Variants in GPC6 observed in about 807,000 individuals in gnomAD.
GPC6 encodes the protein glypican 6, also known as glypican-6.
A neutral mutation model predicts 55.2 loss-of-function variants in GPC6; 14 were observed. The observed-to-expected ratio is 0.25, with a 90% CI of 0.17 to 0.40. GPC6 has a LOEUF of 0.40. Ranked by LOEUF, GPC6 falls within the 10% of genes least tolerant of loss-of-function variation. The probability of loss-of-function intolerance (pLI) is 1.00; values close to 1 mark genes in which losing one functional copy is unlikely to be tolerated. For synonymous variants in GPC6, 278 were observed against 259.6 expected (o/e 1.07, Z -0.68); for missense variants, 641 against 708.5 (o/e 0.90, Z 1.08).
At chr13:93,318,263 G>GT (rs753431033) in intron 1 of GPC6, among the ~76,000 whole-genome samples, 123 of 151,912 alleles carry the variant, frequency 8.1e-4, no homozygotes, top group Non-Finnish European at 1.7e-3. Context: ...ATATGTGACA[G>GT]TTTTTTTTGT....
chr13:94,345,339 C>T lies in GPC6; in HGVS notation c.1153-37075C>T, dbSNP rs1878233798. On this transcript the variant is annotated intron_variant, in intron 6 of 8. Transcript: ENST00000377047. ...CTCCCTACTTTAAGAAAACTGAGATCCAAAAATCTGATTTTGGGGGGGAAA... is the reference window on the plus strand; with the variant it reads ...CTCCCTACTTTAAGAAAACTGAGATTCAAAAATCTGATTTTGGGGGGGAAA... 3.3e-5 allele frequency among the ~76,000 whole-genome samples: 5 copies of T among 152,080 alleles called. No individual in the cohort carries two copies. In the South Asian group the frequency reaches 8.3e-4, roughly 25 times the overall value.
At chr13:93,587,048 G>A (rs1473088861) in intron 2 of GPC6, among the ~76,000 whole-genome samples, 2 of 152,252 alleles carry the variant, frequency 1.3e-5, no homozygotes, top group East Asian at 3.9e-4. Flanking sequence ...CCTAGTAGGA[G>A]GTTGCATGTA....
At chr13:94,054,682 G>A (rs1417090126) in intron 4 of GPC6, among the ~76,000 whole-genome samples, 6 of 152,096 alleles carry the variant, frequency 3.9e-5, no homozygotes, top group Admixed American at 1.3e-4. Context: ...AGAAGAGGTC[G>A]TCTAATCCAC....
chr13:93,437,655 C>T (rs1231223593), intron 1 of GPC6, among the ~76,000 whole-genome samples: 3 of 152,106 alleles, frequency 2.0e-5, no homozygotes, highest in Non-Finnish European at 2.9e-5. Context: ...TTGAAGCTAG[C>T]AGAGGTTCAT....
At chr13:94,082,264 C>T (rs560684129) in intron 4 of GPC6, among the ~76,000 whole-genome samples, 1 of 152,206 alleles carries the variant, frequency 6.6e-6, no homozygotes, top group South Asian at 2.1e-4. Flanking sequence ...TCCAAGCCCT[C>T]TGTGTCTACT....
intron 1 of GPC6, among the ~76,000 whole-genome samples, chr13:93,297,482 T>C (rs763239420): frequency 4.6e-5 from 7 of 152,006 alleles, no homozygotes; most frequent in Admixed American, 2.0e-4. Context: ...AAAAAAGAAA[T>C]TAGCTGAGTG....
Position 94,288,806 on chromosome 13 carries a change from T to TTATATATAACAAA in GPC6, c.1008+2336_1008+2337insCAAATATATATAA, listed in dbSNP as rs1566637614. 2.7e-3 allele frequency among the ~76,000 whole-genome samples: 198 copies of TTATATATAACAAA among 72,244 alleles called. 3 individuals carry two copies. Among genetic ancestry groups the TTATATATAACAAA allele is most frequent in the African/African-American group, 5.4e-3 (67 of 12,418 alleles). 47.4% of individuals were successfully genotyped at this position (72,244 alleles called of 152,430 possible). A position where few individuals can be genotyped will look rare whatever the true frequency, so the allele number is the denominator to read the frequency against. Reference sequence around the variant, plus strand: ...TATATATAATAAATATATATATTTGTTATATATAATAAATATATATATTTG... The same window carrying TTATATATAACAAA: ...TATATATAATAAATATATATATTTGTTATATATAACAAATATATATAATAAATATATATATTTG... On this transcript the variant is annotated intron_variant, in intron 5 of 8. Transcript: ENST00000377047.
intron 2 of GPC6, among the ~76,000 whole-genome samples, chr13:93,718,990 G>GTATT (rs1232751368): frequency 6.6e-6 from 1 of 151,936 alleles, no homozygotes; most frequent in Non-Finnish European, 1.5e-5. Context: ...CTGTAACCTT[G>GTATT]TATTATAGTT....
At chr13:93,871,997 A>C (rs1047261861) in intron 3 of GPC6, among the ~76,000 whole-genome samples, 4 of 152,104 alleles carry the variant, frequency 2.6e-5, no homozygotes, top group Middle Eastern at 3.4e-3. Context: ...TAAATAAAAC[A>C]AGTTTTCAGA....
chr13:93,783,354 T>C (rs991093257), intron 2 of GPC6, among the ~76,000 whole-genome samples: 1 of 150,066 alleles, frequency 6.7e-6, no homozygotes, highest in African/African-American at 2.5e-5. Flanking sequence ...GATTGCTGGG[T>C]CAGATGGTAT....
At chr13:93,696,813 G>T (rs1413009097) in intron 2 of GPC6, among the ~76,000 whole-genome samples, 4 of 151,796 alleles carry the variant, frequency 2.6e-5, no homozygotes, top group Non-Finnish European at 1.5e-5. Flanking sequence ...AGGAGAGGCG[G>T]GGTTTTCACC....
chr13:93,546,716 G>A (rs545007193), intron 2 of GPC6, among the ~76,000 whole-genome samples: 30 of 152,308 alleles, frequency 2.0e-4, no homozygotes, highest in African/African-American at 7.2e-4. Flanking sequence ...AGAAGCCCCT[G>A]ATAGGACTCT....
At chr13:94,005,150 G>A (rs1051794033) in intron 3 of GPC6, among the ~76,000 whole-genome samples, 1 of 151,968 alleles carries the variant, frequency 6.6e-6, no homozygotes, top group African/African-American at 2.4e-5. Context: ...GAATAAATTG[G>A]GATTGAAGGA....
chr13:93,990,735 C>A (rs1433606182), intron 3 of GPC6, among the ~76,000 whole-genome samples: 1 of 151,054 alleles, frequency 6.6e-6, no homozygotes, highest in Non-Finnish European at 1.5e-5. Context: ...CATGATGGTG[C>A]ATGCCTGTTC....
At chr13:93,913,008 T>C (rs999550891) in intron 3 of GPC6, among the ~76,000 whole-genome samples, 3 of 152,184 alleles carry the variant, frequency 2.0e-5, no homozygotes, top group Non-Finnish European at 4.4e-5. Context: ...ACACCAGTTA[T>C]TGTATTTAGA....
chr13:93,502,045 A>G (rs989576265), intron 1 of GPC6, among the ~76,000 whole-genome samples: 1 of 152,126 alleles, frequency 6.6e-6, no homozygotes, highest in African/African-American at 2.4e-5. Context: ...TTTCTTCCTC[A>G]ATCTAAAGTA....
At chr13:93,871,591 G>A (rs1041406173) in intron 3 of GPC6, among the ~76,000 whole-genome samples, 1 of 151,938 alleles carries the variant, frequency 6.6e-6, no homozygotes, top group African/African-American at 2.4e-5. Flanking sequence ...GACACATTTT[G>A]TCTTTTTTCC....
intron 3 of GPC6, among the ~76,000 whole-genome samples, chr13:93,902,927 T>C (rs543867867): frequency 1.3e-5 from 2 of 152,306 alleles, no homozygotes; most frequent in African/African-American, 4.8e-5. Flanking sequence ...CATAAATCCA[T>C]GCACTTATAG....
chr13:94,026,041 A>T (rs1594675964), intron 3 of GPC6, among the ~76,000 whole-genome samples: 1 of 152,226 alleles, frequency 6.6e-6, no homozygotes, highest in Admixed American at 6.5e-5. Flanking sequence ...AAATTGTACC[A>T]TGTAGGAAAT....
Sources: gnomAD v4.1 joint callset for allele counts (sites outside exome capture counted in the v4.1 genomes callset) on GRCh38, gnomAD v4.1.1 for gene constraint, MANE v1.5 for transcripts, NCBI Gene and HGNC (gene_info 2026-07-23, HGNC 2026-07-21) for gene names.